Variants in TRIM7 observed in about 807,000 individuals in gnomAD.
The protein encoded by TRIM7 is E3 ubiquitin-protein ligase TRIM7.
A neutral mutation model predicts 37.9 loss-of-function variants in TRIM7; 32 were observed. The ratio of observed to expected loss-of-function variants is 0.84; its 90% confidence interval spans 0.64 to 1.13. The LOEUF (loss-of-function observed/expected upper bound fraction) is 1.13. Among genes scored for constraint, TRIM7 ranks in the 50% most tolerant of loss-of-function variants. The pLI, the probability that TRIM7 is intolerant of heterozygous loss-of-function variation, is 0.00. For synonymous variants in TRIM7, 351 were observed against 321.3 expected (o/e 1.09, Z -0.99); for missense variants, 732 against 714.0 (o/e 1.03, Z -0.29).
Position 181,204,900 on chromosome 5 carries a change from C to G in TRIM7, c.211G>C (p.Ala71Pro), listed in dbSNP as rs1488098637. The change falls in exon 1 of 7, where the codon GCG becomes CCG. Residue 71 changes from alanine to proline, a missense_variant. Transcript: ENST00000274773. The stretch of plus-strand genomic sequence containing the variant: ...GGACAGGGCAGTGGGAAGGGGGGCG[C>G]GCGGGTGGCGGCCCCAACAGACCCC... ...GAGSVGAATR[A>P]PPFPLPCPQC... 1 of 1,370,744 alleles carries G rather than the reference C, an allele frequency of 7.3e-7. No individual in the cohort carries two copies. Among genetic ancestry groups the G allele is most frequent in the African/African-American group, 1.5e-5 (1 of 65,074 alleles). The allele number at this position is 1,370,744 out of a possible 1,614,324, so 84.9% of individuals were successfully genotyped here.
At position 181,204,726 on chromosome 5, in the gene TRIM7, G is replaced by T; in HGVS notation, c.385C>A (p.Arg129Ser). 2.7e-6 allele frequency: 4 copies of T among 1,475,420 alleles called. No individual in the cohort carries two copies. The highest frequency in any genetic ancestry group is 3.6e-6 in the Non-Finnish European group (4 of 1,122,894). 91.4% of individuals were successfully genotyped at this position (1,475,420 alleles called of 1,614,324 possible). A position where few individuals can be genotyped will look rare whatever the true frequency, so the allele number is the denominator to read the frequency against. ...QAAAARAAAARCGQHGEPFKL... is the reference protein window; with the variant it reads ...QAAAARAAAASCGQHGEPFKL... The stretch of plus-strand genomic sequence containing the variant: ...AAGGGTTCGCCATGCTGCCCGCAGC[G>T]GGCAGCCGCTGCCCGGGCCGCGGCC... The change falls in exon 1 of 7, where the codon CGC becomes AGC. Residue 129 changes from arginine (R) to serine (S), a missense_variant. Coordinates refer to ENST00000274773, the MANE Select transcript of TRIM7 (RefSeq NM_203293.3).
Position 181,195,581 on chromosome 5 carries a change from G to C in TRIM7, c.1121C>G (p.Pro374Arg). 1 of 1,605,710 alleles carries C rather than the reference G, an allele frequency of 6.2e-7. No homozygotes were observed. The change falls in exon 7 of 7, where the codon CCC (proline) becomes CGC (arginine). Residue 374 changes from proline to arginine, a missense_variant. Physicochemically the swap from Pro to Arg is moderately radical, Grantham distance 103. Transcript: ENST00000274773. The stretch of plus-strand genomic sequence containing the variant: ...GGTGTCGAAGCGGCAGGGGTGGTTG[G>C]GCAGGTCCTGGGCCCGCTCGCCGAG... Reference protein sequence around the residue: ...VRLGERAQDLPNHPCRFDTNT... With the variant: ...VRLGERAQDLRNHPCRFDTNT...
chr5:181,199,749 C>G (rs1003792199), intron 3 of TRIM7, 102 bp downstream of exon 3: 41 of 1,454,186 alleles, frequency 2.8e-5, no homozygotes, highest in Non-Finnish European at 3.4e-5. Context: ...AGCTCCAGAT[C>G]ATGTGATTCT....
rs766481173 is a variant in TRIM7 at position 181,199,960 on chromosome 5, T to C, written c.740A>G (p.Gln247Arg). 1 of 1,614,284 alleles carries C rather than the reference T, an allele frequency of 6.2e-7. No homozygotes were observed. Among genetic ancestry groups the C allele is most frequent in the Admixed American group, 1.7e-5 (1 of 60,032 alleles). Residue 247 changes from glutamine (Q) to arginine (R), a missense_variant, in exon 3 of 7, where the codon CAG (glutamine) becomes CGG (arginine). Transcript: ENST00000274773. ...RLEELSREVA[Q>R]KQNENLAQLG... ...CTGGGCCAGGTTCTCATTCTGCTTC[T>C]GTGCCACCTCCCGGGACAGTTCCTC... is the stretch of plus-strand genomic sequence containing the variant.
chr5:181,195,439 C>T lies in TRIM7; in HGVS notation c.1263G>A (p.Lys421=). 1.2e-6 allele frequency: 2 copies of T among 1,608,194 alleles called. No homozygotes were observed. Among genetic ancestry groups the T allele is most frequent in the Non-Finnish European group, 1.7e-6 (2 of 1,177,812 alleles). The change falls in exon 7 of 7, where the codon AAG becomes AAA. Residue 421 remains lysine, a synonymous_variant. Coordinates refer to ENST00000274773, the MANE Select transcript of TRIM7 (RefSeq NM_203293.3). The part of the protein sequence containing the change: ...FGVARESVRR[K]GLTPFTPEEG... ...CCTCGGGAGTGAAGGGCGTCAGGCC[C>T]TTTCGGCGCACGCTCTCGCGGGCCA...
rs751589361 is a variant in TRIM7 at position 181,199,890 on chromosome 5, G to A, written c.810C>T (p.Ile270=). ...ITQLSKLSSQ[I]QETAQKPDLD... Reference sequence around the variant, plus strand: ...GGTCAGGCTTTTGAGCTGTCTCCTGGATCTGGCTGCTGAGCTTGGACAGCT... The same window carrying A: ...GGTCAGGCTTTTGAGCTGTCTCCTGAATCTGGCTGCTGAGCTTGGACAGCT... The change falls in exon 3 of 7, where the codon ATC becomes ATT. Residue 270 remains isoleucine, a synonymous_variant. Coordinates refer to ENST00000274773, the MANE Select transcript of TRIM7 (RefSeq NM_203293.3). 16 of 1,614,084 alleles carry A rather than the reference G, an allele frequency of 9.9e-6. No homozygotes were observed. The South Asian group carries it at 1.8e-4, about 18-fold the overall frequency.
At chr5:181,199,236 C>T (rs2113069620) in intron 3 of TRIM7, 119 bp from the exon 4 acceptor site, 1 of 1,210,648 alleles carries the variant, frequency 8.3e-7, no homozygotes, top group South Asian at 1.2e-5. Flanking sequence ...TGTGCCACGC[C>T]TCACTGCCTG....
Position 181,204,932 on chromosome 5 carries a change from G to T in TRIM7, c.179C>A (p.Pro60Gln). The change falls in exon 1 of 7, where the codon CCG becomes CAG. Residue 60 changes from proline (P) to glutamine (Q), a missense_variant. Coordinates refer to ENST00000274773, the MANE Select transcript of TRIM7 (RefSeq NM_203293.3). ...RACIGRCWERPGAGSVGAATR... is the reference protein window; with the variant it reads ...RACIGRCWERQGAGSVGAATR... Reference sequence around the variant, plus strand: ...GGCGGCCCCAACAGACCCCGCGCCCGGGCGCTCCCAGCAGCGCCCTATGCA... The same window carrying T: ...GGCGGCCCCAACAGACCCCGCGCCCTGGCGCTCCCAGCAGCGCCCTATGCA... 12 of 1,410,346 alleles carry T rather than the reference G, an allele frequency of 8.5e-6. No individual in the cohort carries two copies. Among genetic ancestry groups the T allele is most frequent in the South Asian group, 1.5e-5 (1 of 66,496 alleles). The allele number at this position is 1,410,346 out of a possible 1,614,324, so 87.4% of individuals were successfully genotyped here.
Position 181,200,732 on chromosome 5 carries a change from G to A in TRIM7, c.619-651C>T, listed in dbSNP as rs915604837. ...AGCATACACCGGATTTTTTACTCGA[G>A]TTTTCAGATGCAGACTCATGCCCTG... On this transcript the variant is annotated intron_variant, in intron 2 of 6. Transcript: ENST00000274773. 46 of 988,122 alleles carry A rather than the reference G, an allele frequency of 4.7e-5. No homozygotes were observed. The African/African-American group carries it at 7.5e-4, about 16-fold the overall frequency. The allele number at this position is 988,122 out of a possible 1,614,324, so 61.2% of individuals were successfully genotyped here. A position where few individuals can be genotyped will look rare whatever the true frequency, so the allele number is the denominator to read the frequency against.
Position 181,194,297 on chromosome 5 carries a change from G to A in TRIM7, c.*869C>T, listed in dbSNP as rs1756967958. 1 of 152,310 alleles carries A rather than the reference G, an allele frequency of 6.6e-6. No homozygotes were observed. The highest frequency in any genetic ancestry group is 1.9e-4 in the East Asian group (1 of 5,202). The allele number at this position is 152,310 out of a possible 1,614,324, so 9.4% of individuals were successfully genotyped here. On this transcript the variant is annotated 3_prime_UTR_variant, in exon 7 of 7. Coordinates refer to ENST00000274773, the MANE Select transcript of TRIM7 (RefSeq NM_203293.3). ...CTCACACCTGTAATCCCAGCTCTTA[G>A]GGAGATGGAAACTGGAGGATCACTT...
chr5:181,197,722 G>A (rs10061662), intron 6 of TRIM7: 6,379 of 172,116 alleles, frequency 0.037, 289 homozygotes, highest in African/African-American at 0.1. Flanking sequence ...ATCAGCATCA[G>A]GAATATGTGC....
intron 1 of TRIM7, 107 bp downstream of exon 1, chr5:181,204,482 C>T: frequency 8.2e-7 from 1 of 1,221,194 alleles, no homozygotes; most frequent in Admixed American, 4.2e-5. Flanking sequence ...GAGGGGCTCA[C>T]CCGGGCCTCC....
At chr5:181,198,043 AG>A in intron 6 of TRIM7, 139 bp downstream of exon 6, 1 of 768,844 alleles carries the variant, frequency 1.3e-6, no homozygotes, top group Non-Finnish European at 2.2e-6. Flanking sequence ...GGTGTGGGGG[AG>A]GGGACAGAGG....
At position 181,204,820 on chromosome 5, in the gene TRIM7, C is replaced by T. The variant is rs1348910336; in HGVS notation, c.291G>A (p.Ala97=). 17 of 1,380,142 alleles carry T rather than the reference C, an allele frequency of 1.2e-5. 1 individual carries two copies. Among genetic ancestry groups the T allele is most frequent in the Non-Finnish European group, 1.6e-5 (17 of 1,074,384 alleles). The allele number at this position is 1,380,142 out of a possible 1,614,324, so 85.5% of individuals were successfully genotyped here. ...AGCGCCGCAGGAGCGTGGCCACTGC[C>T]GCCAGCTGCCGGTTGGGCCGCAGCT... The part of the protein sequence containing the change: ...PSQLRPNRQL[A]AVATLLRRFS... The change falls in exon 1 of 7, where the codon GCG becomes GCA. Residue 97 remains alanine (A), a synonymous_variant. Coordinates refer to ENST00000274773, the MANE Select transcript of TRIM7 (RefSeq NM_203293.3).
chr5:181,200,423 C>T, intron 2 of TRIM7: 1 of 1,307,538 alleles, frequency 7.6e-7, no homozygotes, highest in Non-Finnish European at 9.7e-7. Context: ...ATTAGTGCCT[C>T]CTGGGGCAAC....
intron 2 of TRIM7, chr5:181,200,807 C>T: frequency 1.0e-6 from 1 of 985,618 alleles, no homozygotes; most frequent in Non-Finnish European, 1.2e-6. Context: ...ATATGTCCCA[C>T]CAGGAAGTTC....
Position 181,204,675 on chromosome 5 carries a change from G to C in TRIM7, c.436C>G (p.Arg146Gly). 1 of 1,512,234 alleles carries C rather than the reference G, an allele frequency of 6.6e-7. No individual in the cohort carries two copies. Among genetic ancestry groups the C allele is most frequent in the African/African-American group, 1.4e-5 (1 of 69,040 alleles). The allele number at this position is 1,512,234 out of a possible 1,614,324, so 93.7% of individuals were successfully genotyped here. ...PFKLYCQDDG[R>G]AICVVCDRAR... ...CGGTCGCACACCACGCAGATGGCGCGTCCGTCGTCCTGGCAGTAGAGCTTG... is the reference window on the plus strand; with the variant it reads ...CGGTCGCACACCACGCAGATGGCGCCTCCGTCGTCCTGGCAGTAGAGCTTG... Residue 146 changes from arginine to glycine, a missense_variant, in exon 1 of 7, where the codon CGC becomes GGC. Coordinates refer to ENST00000274773, the MANE Select transcript of TRIM7 (RefSeq NM_203293.3).
intron 1 of TRIM7, chr5:181,204,119 G>C: frequency 1.0e-6 from 1 of 998,546 alleles, no homozygotes; most frequent in Non-Finnish European, 1.2e-6. Flanking sequence ...CTTAACCCGG[G>C]AGCCCCCTCC....
chr5:181,202,178 CTTTTT>C (rs71593427), intron 2 of TRIM7: 2 of 131,872 alleles, frequency 1.5e-5, no homozygotes, highest in Non-Finnish European at 1.6e-5. Context: ...TCCTTTCATT[CTTTTT>C]TTTTTTTTTT....
Sources: allele counts gnomAD v4.1 joint callset, GRCh38; gene constraint gnomAD v4.1.1; transcripts MANE v1.5; gene names NCBI Gene and HGNC (gene_info 2026-07-23, HGNC 2026-07-21).